SPINDOC: variants seen among roughly 807,000 people sequenced by gnomAD.
SPINDOC encodes spindlin interactor and repressor of chromatin-binding protein.
A neutral mutation model predicts 30.7 loss-of-function variants in SPINDOC; 13 were observed. The ratio of observed to expected loss-of-function variants is 0.42; its 90% CI spans 0.28 to 0.67. SPINDOC has a LOEUF of 0.67. Ranked by LOEUF, SPINDOC falls within the 30% of genes least tolerant of loss-of-function variation. SPINDOC has a pLI of 0.22. For missense variants in SPINDOC, 438 were observed against 518.0 expected (o/e 0.85, Z 1.50); for synonymous variants, 228 against 211.4 (o/e 1.08, Z -0.68).
At position 63,817,920 on chromosome 11, in the gene SPINDOC, C is replaced by T. The variant is rs755469977; in HGVS notation, c.243C>T (p.Ser81=). The T allele has an allele frequency of 3.1e-6, 5 of 1,613,938 alleles. No individual in the cohort carries two copies. In the Admixed American group the frequency reaches 5.0e-5, roughly 16 times the overall value. Reference sequence around the variant, plus strand: ...GGGAGCAGGAGTTCCTGGTGGGCAGCAGCCCAGGAGGCAGCGGGCGGGCAC... The same window carrying T: ...GGGAGCAGGAGTTCCTGGTGGGCAGTAGCCCAGGAGGCAGCGGGCGGGCAC... ...VSWEQEFLVG[S]SPGGSGRALC... is the part of the protein sequence containing the mutation. Residue 81 remains serine (S), a synonymous_variant, in exon 2 of 6, where the codon AGC becomes AGT. Coordinates refer to ENST00000294244, the MANE Select transcript of SPINDOC (RefSeq NM_138471.3).
chr11:63,818,948 A>G lies in SPINDOC; in HGVS notation c.880A>G (p.Lys294Glu). ...GGGCCCAGACAGCAAGGACTCACCCAAAGACAGGGAAGTGGCAGAAGGAGG... is the reference window on the plus strand; with the variant it reads ...GGGCCCAGACAGCAAGGACTCACCCGAAGACAGGGAAGTGGCAGAAGGAGG... ...LRGPDSKDSP[K>E]DREVAEGGLP... The change falls in exon 5 of 6, where the codon AAA (lysine) becomes GAA (glutamate). Residue 294 changes from lysine to glutamate, a missense_variant. By Grantham distance (56) the Lys-to-Glu change is moderately conservative (BLOSUM62 1). Transcript: ENST00000294244. The surrounding 1 kb of genome is among the most constrained non-coding windows in gnomAD (Gnocchi z 5.3). The G allele has an allele frequency of 6.2e-7, 1 of 1,614,148 alleles. No homozygotes were observed. Among genetic ancestry groups the G allele is most frequent in the Non-Finnish European group, 8.5e-7 (1 of 1,180,042 alleles).
rs73492262 is a variant in SPINDOC at position 63,819,040 on chromosome 11, G to A, written c.934+38G>A. 1.1e-3 allele frequency: 1,711 copies of A among 1,532,002 alleles called. 14 individuals carry two copies. The African/African-American group carries it at 0.021, about 18-fold the overall frequency. 94.9% of individuals were successfully genotyped at this position (1,532,002 alleles called of 1,614,324 possible). ...GAGAGGGAAGCACAGTAGGGACCTC[G>A]CAGGCAGCGCTCCTGGGCCAGGCCT... On this transcript the variant is annotated intron_variant, in intron 5 of 5. Coordinates refer to ENST00000294244, the MANE Select transcript of SPINDOC (RefSeq NM_138471.3).
rs757984999 is a variant in SPINDOC at position 63,823,175 on chromosome 11, C to A, written c.935-3753C>A. On this transcript the variant is annotated intron_variant, in intron 5 of 5. Transcript: ENST00000294244. ...GCAGTAAATCTTTAAAAACCAGGGG[C>A]CCCCGTGGCGGTTCTTTGCGGAGCA... 8.5e-6 allele frequency: 11 copies of A among 1,289,066 alleles called. No homozygotes were observed. In the East Asian group the frequency reaches 1.7e-4, roughly 20 times the overall value. 79.9% of individuals were successfully genotyped at this position (1,289,066 alleles called of 1,614,324 possible). A position where few individuals can be genotyped will look rare whatever the true frequency, so the allele number is the denominator to read the frequency against.
intron 5 of SPINDOC, among the ~76,000 whole-genome samples, chr11:63,824,094 G>A (rs989383481): frequency 6.6e-6 from 1 of 151,678 alleles, no homozygotes; most frequent in Non-Finnish European, 1.5e-5. Context: ...ATTATTAGTA[G>A]AGATGGCGTC....
chr11:63,816,904 A>G (rs1158196968), intron 1 of SPINDOC, among the ~76,000 whole-genome samples: 2 of 152,178 alleles, frequency 1.3e-5, no homozygotes, highest in Non-Finnish European at 2.9e-5. Context: ...ATGGTGGCTC[A>G]TGCCTATAAT....
intron 1 of SPINDOC, among the ~76,000 whole-genome samples, chr11:63,814,028 CT>C (rs2015270342): frequency 6.6e-6 from 1 of 152,224 alleles, no homozygotes; most frequent in African/African-American, 2.4e-5. Context: ...CTCCCTTCCC[CT>C]TTCCCCCGCC....
At chr11:63,817,691 G>A (rs1353102509) in intron 1 of SPINDOC, 114 bp from the exon 2 acceptor site, 12 of 964,836 alleles carry the variant, frequency 1.2e-5, no homozygotes, top group Non-Finnish European at 1.4e-5. Flanking sequence ...GAACACTTTG[G>A]CCAGAAATGC....
In SPINDOC at chr11:63,827,294, A is replaced by G. The variant is rs2015678937; in HGVS notation, c.*155A>G. The G allele has an allele frequency of 1.5e-6, 2 of 1,363,358 alleles. No homozygotes were observed. Among genetic ancestry groups the G allele is most frequent in the Admixed American group, 2.2e-5 (1 of 44,936 alleles). The allele number at this position is 1,363,358 out of a possible 1,614,324, so 84.5% of individuals were successfully genotyped here. A position where few individuals can be genotyped will look rare whatever the true frequency, so the allele number is the denominator to read the frequency against. On this transcript the variant is annotated 3_prime_UTR_variant, in exon 6 of 6. Transcript: ENST00000294244. ...GCAGCATCCACTGTTATTTCGGGGC[A>G]CTGGAAAGTGTCTGTTCCTGGCCAG...
intron 1 of SPINDOC, among the ~76,000 whole-genome samples, chr11:63,814,627 T>G (rs547163550): frequency 1.3e-5 from 2 of 152,320 alleles, no homozygotes; most frequent in Admixed American, 1.3e-4. Flanking sequence ...CCGCTTTTCT[T>G]AGGCGGGATA....
rs2015417825 is a variant in SPINDOC, at chr11:63,818,630, C to G, written c.711C>G (p.Thr237=). 1 of 1,613,606 alleles carries G rather than the reference C, an allele frequency of 6.2e-7. No individual in the cohort carries two copies. The highest frequency in any genetic ancestry group is 8.5e-7 in the Non-Finnish European group (1 of 1,180,020). The change falls in exon 4 of 6, where the codon ACC becomes ACG. Residue 237 remains threonine (T), a synonymous_variant. Transcript: ENST00000294244. The surrounding 1 kb of genome is among the most constrained non-coding windows in gnomAD (Gnocchi z 5.3). ...PVRKKRGRPM[T]KNLDPDPEPP... is the part of the protein sequence containing the mutation. ...GAAAGAAAAGAGGCAGACCTATGAC[C>G]AAAAACCTGGACCCTGACCCAGGTG...
In SPINDOC at chr11:63,818,916, A is replaced by G; in HGVS notation, c.848A>G (p.Gln283Arg). 4.3e-6 allele frequency: 7 copies of G among 1,614,142 alleles called. No individual in the cohort carries two copies. The highest frequency in any genetic ancestry group is 5.1e-6 in the Non-Finnish European group (6 of 1,180,016). The change falls in exon 5 of 6, where the codon CAG becomes CGG. Residue 283 changes from glutamine to arginine, a missense_variant. Coordinates refer to ENST00000294244, the MANE Select transcript of SPINDOC (RefSeq NM_138471.3). The surrounding 1 kb of genome is among the most constrained non-coding windows in gnomAD (Gnocchi z 5.3). ...GTCTTGCAGCTCTTCTCCCACACCC[A>G]GCTCAGGGGCCCAGACAGCAAGGAC... ...GFVLQLFSHTQLRGPDSKDSP... is the reference protein window; with the variant it reads ...GFVLQLFSHTRLRGPDSKDSP...
intron 1 of SPINDOC, among the ~76,000 whole-genome samples, chr11:63,816,320 A>T (rs1037258478): frequency 1.3e-5 from 2 of 152,196 alleles, no homozygotes; most frequent in African/African-American, 4.8e-5. Context: ...CATGCCCTAG[A>T]CGCAAGTGAT....
chr11:63,816,347 G>C (rs1307658567), intron 1 of SPINDOC, among the ~76,000 whole-genome samples: 1 of 152,234 alleles, frequency 6.6e-6, no homozygotes, highest in Non-Finnish European at 1.5e-5. Context: ...CAAGATGGAA[G>C]AGGTGATCGG....
rs143533021 is a variant in SPINDOC, at chr11:63,818,529, G to C, written c.610G>C (p.Val204Leu). The change falls in exon 4 of 6, where the codon GTC (valine) becomes CTC (leucine). Residue 204 changes from valine to leucine, a missense_variant and splice_region_variant. Around this residue, in one of 3 missense-constraint regions of SPINDOC, gnomAD observed 300 missense variants for 332.8 expected, o/e 0.90. Coordinates refer to ENST00000294244, the MANE Select transcript of SPINDOC (RefSeq NM_138471.3). This position sits in a 1 kb window ranked among gnomAD's most constrained non-coding sequence, Gnocchi z 5.3. The part of the protein sequence containing the change: ...RGLRPLELPA[V>L]PATEPGNKKP... ...TATGAGGTCTTTTCTTTTTGCAGCT[G>C]TCCCTGCCACAGAGCCAGGAAATAA... 1.2e-6 allele frequency: 2 copies of C among 1,611,556 alleles called. No individual in the cohort carries two copies. Among genetic ancestry groups the C allele is most frequent in the African/African-American group, 1.3e-5 (1 of 74,878 alleles).
intron 5 of SPINDOC, chr11:63,823,174 G>A (rs752211075): frequency 6.2e-6 from 8 of 1,289,066 alleles, no homozygotes; most frequent in Non-Finnish European, 8.1e-6. Context: ...AAAACCAGGG[G>A]CCCCCGTGGC....
In SPINDOC at chr11:63,813,461, G is replaced by C. The variant is rs2015244311; in HGVS notation, c.-226G>C. ...CGGCGGGGGGCAGGGGCCCCGGATT[G>C]AGCCCTCCCCGCCCGGGCTCCCGAC... On this transcript the variant is annotated 5_prime_UTR_variant, in exon 1 of 6. Transcript: ENST00000294244. 6.2e-6 allele frequency: 1 copy of C among 162,596 alleles called. No individual in the cohort carries two copies. The highest frequency in any genetic ancestry group is 2.4e-5 in the African/African-American group (1 of 41,292). 10.1% of individuals were successfully genotyped at this position (162,596 alleles called of 1,614,324 possible). A position where few individuals can be genotyped will look rare whatever the true frequency, so the allele number is the denominator to read the frequency against.
In SPINDOC at chr11:63,813,642, C is replaced by T. The variant is rs540926581; in HGVS notation, c.-45C>T. ...GCGGTTGCCGGCTGCGCGCCGAAGC[C>T]TGCGCGCCAGTCCTCCGGCCACTGC... On this transcript the variant is annotated 5_prime_UTR_variant, in exon 1 of 6. Coordinates refer to ENST00000294244, the MANE Select transcript of SPINDOC (RefSeq NM_138471.3). The T allele has an allele frequency of 8.1e-6, 12 of 1,484,880 alleles. No homozygotes were observed. Among genetic ancestry groups the T allele is most frequent in the Admixed American group, 2.4e-5 (1 of 42,434 alleles). 92.0% of individuals were successfully genotyped at this position (1,484,880 alleles called of 1,614,324 possible). A position where few individuals can be genotyped will look rare whatever the true frequency, so the allele number is the denominator to read the frequency against.
intron 1 of SPINDOC, among the ~76,000 whole-genome samples, chr11:63,815,545 T>C (rs147680268): frequency 7.6e-4 from 115 of 152,270 alleles, no homozygotes; most frequent in Middle Eastern, 3.4e-3. Context: ...CCTGGAAGTA[T>C]CTAGCTAGTG....
Position 63,813,557 on chromosome 11 carries a change from G to T in SPINDOC, c.-130G>T. On this transcript the variant is annotated 5_prime_UTR_variant, in exon 1 of 6. Transcript: ENST00000294244. ...GCCGGCGAGCGGCGGGCGGGCGGCGGGGAGGGGGCTGCGCGGGGCGGGCGG... is the reference window on the plus strand; with the variant it reads ...GCCGGCGAGCGGCGGGCGGGCGGCGTGGAGGGGGCTGCGCGGGGCGGGCGG... 1.3e-6 allele frequency: 1 copy of T among 763,388 alleles called. No individual in the cohort carries two copies. Among genetic ancestry groups the T allele is most frequent in the South Asian group, 5.8e-5 (1 of 17,304 alleles). The allele number at this position is 763,388 out of a possible 1,614,324, so 47.3% of individuals were successfully genotyped here. A position where few individuals can be genotyped will look rare whatever the true frequency, so the allele number is the denominator to read the frequency against.
Sources: allele counts gnomAD v4.1 joint callset (sites outside exome capture counted in the v4.1 genomes callset), GRCh38; gene constraint gnomAD v4.1.1; regional missense constraint gnomAD v4.1.1; non-coding constraint Gnocchi (gnomAD v3.1); transcripts MANE v1.5; gene names NCBI Gene and HGNC (gene_info 2026-07-23, HGNC 2026-07-21).